Variants in KANSL3 observed in about 807,000 individuals in gnomAD.
KANSL3 encodes KAT8 regulatory NSL complex subunit 3.
Under a neutral mutation model 89.2 loss-of-function variants are expected in KANSL3, and 16 were observed. The observed-to-expected ratio is 0.18, with a 90% CI of 0.12 to 0.27. KANSL3 has a LOEUF of 0.27. Among genes scored for constraint, KANSL3 ranks in the 10% least tolerant of loss-of-function variants. KANSL3 has a pLI of 1.00. For synonymous variants in KANSL3, 385 were observed against 419.7 expected (o/e 0.92, Z 1.01); for missense variants, 879 against 1,110.6 (o/e 0.79, Z 2.96).
At position 96,601,788 on chromosome 2, in the gene KANSL3, A is replaced by AG. The variant is rs1258908757; in HGVS notation, c.2483-13dup. On this transcript the variant is annotated splice_polypyrimidine_tract_variant and intron_variant, in intron 19 of 20. Transcript: ENST00000431828. ...GGGGACCTTCAAGCCTGAGATAAAG[A>AG]GAGAGAAGCAGAATTTTTGAGTCAC... 7 of 1,540,774 alleles carry AG rather than the reference A, an allele frequency of 4.5e-6. No individual in the cohort carries two copies. Among genetic ancestry groups the AG allele is most frequent in the Non-Finnish European group, 5.2e-6 (6 of 1,145,694 alleles).
intron 20 of KANSL3, chr2:96,601,052 C>A (rs2067108174): frequency 3.4e-6 from 1 of 292,582 alleles, no homozygotes; most frequent in Non-Finnish European, 5.1e-6. Flanking sequence ...TTTCAGAGGC[C>A]GAGACAAGTA....
chr2:96,598,197 T>C lies in KANSL3; in HGVS notation c.2617-2566A>G, dbSNP rs561412665. 26 of 883,306 alleles carry C rather than the reference T, an allele frequency of 2.9e-5. No homozygotes were observed. In the African/African-American group the frequency reaches 4.3e-4, roughly 15 times the overall value. 54.7% of individuals were successfully genotyped at this position (883,306 alleles called of 1,614,324 possible). A position where few individuals can be genotyped will look rare whatever the true frequency, so the allele number is the denominator to read the frequency against. ...CCCAAATGGCTTTGTAGGTCACTTC[T>C]ATCAACCCATCAAGGAACTATCATT... On this transcript the variant is annotated intron_variant, in intron 20 of 20. Transcript: ENST00000431828.
intron 2 of KANSL3, among the ~76,000 whole-genome samples, chr2:96,634,765 G>A (rs2074012780): frequency 6.6e-6 from 1 of 152,202 alleles, no homozygotes; most frequent in Non-Finnish European, 1.5e-5. Context: ...GTGGGCAAAA[G>A]AGCTGATTAT....
chr2:96,610,520 T>C, intron 11 of KANSL3: 1 of 450,946 alleles, frequency 2.2e-6, no homozygotes, highest in Non-Finnish European at 4.0e-6. Context: ...TTTCACCGTG[T>C]TAGCCAGGAT....
chr2:96,608,795 A>G (rs2068394721), intron 13 of KANSL3, 69 bp downstream of exon 13: 3 of 1,513,206 alleles, frequency 2.0e-6, no homozygotes, highest in African/African-American at 1.4e-5. Context: ...AGGCATCCCC[A>G]GGAAATTAAG....
intron 3 of KANSL3, among the ~76,000 whole-genome samples, chr2:96,623,248 A>G (rs1209766221): frequency 6.6e-6 from 1 of 152,196 alleles, no homozygotes; most frequent in Non-Finnish European, 1.5e-5. Flanking sequence ...ACTCCATACC[A>G]TATTAATGCG....
At chr2:96,597,355 T>C (rs1181901317) in intron 20 of KANSL3, among the ~76,000 whole-genome samples, 1 of 152,086 alleles carries the variant, frequency 6.6e-6, no homozygotes, top group Admixed American at 6.6e-5. Flanking sequence ...CTGAATTAAG[T>C]CAACTTCCTC....
At chr2:96,585,982 T>C in the KANSL3 span, among the ~76,000 whole-genome samples, 3 of 152,208 alleles carry the variant, frequency 2.0e-5, no homozygotes, top group East Asian at 5.8e-4. Flanking sequence ...ATCCCAGGAC[T>C]TTGGGAGGCT....
At chr2:96,636,696 TC>T (rs991309557) in intron 2 of KANSL3, 8 of 457,874 alleles carry the variant, frequency 1.7e-5, no homozygotes, top group African/African-American at 6.0e-5. Context: ...GAATAGGTTG[TC>T]TGCTTTTCAT....
rs1335423391 is a variant in KANSL3 at position 96,598,242 on chromosome 2, T to C, written c.2617-2611A>G. On this transcript the variant is annotated intron_variant, in intron 20 of 20. Transcript: ENST00000431828. ...ATCATTTCTGTACTATAAAACTGTT[T>C]TAGAGTATGAGAGGGGAAAAGCACT... The C allele has an allele frequency of 7.4e-6, 4 of 538,304 alleles. No homozygotes were observed. The African/African-American group carries it at 8.3e-5, about 11-fold the overall frequency. 33.3% of individuals were successfully genotyped at this position (538,304 alleles called of 1,614,324 possible). A position where few individuals can be genotyped will look rare whatever the true frequency, so the allele number is the denominator to read the frequency against.
intron 20 of KANSL3, among the ~76,000 whole-genome samples, chr2:96,596,637 C>T (rs942062152): frequency 3.9e-5 from 6 of 152,210 alleles, no homozygotes; most frequent in African/African-American, 1.4e-4. Context: ...AAGACCCCAT[C>T]TCAATCAAAA....
chr2:96,628,064 G>C, intron 3 of KANSL3: 2 of 1,290,406 alleles, frequency 1.5e-6, no homozygotes, highest in Non-Finnish European at 2.0e-6. Flanking sequence ...CATAACAGAA[G>C]GGTGGTGGTC....
chr2:96,635,275 C>T (rs1054413529), intron 2 of KANSL3, among the ~76,000 whole-genome samples: 1 of 152,234 alleles, frequency 6.6e-6, no homozygotes, highest in Non-Finnish European at 1.5e-5. Flanking sequence ...GCCAACTTCT[C>T]CCTACCTCCC....
At chr2:96,616,978 C>A (rs1406032199) in intron 5 of KANSL3, among the ~76,000 whole-genome samples, 4 of 152,166 alleles carry the variant, frequency 2.6e-5, no homozygotes, top group Admixed American at 6.5e-5. Flanking sequence ...AGAACTGAGA[C>A]CCTGGCCACT....
rs751662202 is a variant in KANSL3, at chr2:96,608,591, T to G, written c.1658A>C (p.Lys553Thr). Reference sequence around the variant, plus strand: ...CTGAGAACTTCCAATCTGACTGGACTTCTGGGCAGAGGTCACTGTGGTCAC... The same window carrying G: ...CTGAGAACTTCCAATCTGACTGGACGTCTGGGCAGAGGTCACTGTGGTCAC... ...TKVTTVTSAQKSSQIGSSQLL... is the reference protein window; with the variant it reads ...TKVTTVTSAQTSSQIGSSQLL... The change falls in exon 14 of 21, where the codon AAG becomes ACG. Residue 553 changes from lysine to threonine, a missense_variant. Coordinates refer to ENST00000431828, the MANE Select transcript of KANSL3 (RefSeq NM_001115016.3). 5.6e-6 allele frequency: 9 copies of G among 1,614,004 alleles called. 1 individual carries two copies. Among genetic ancestry groups the G allele is most frequent in the Non-Finnish European group, 7.6e-6 (9 of 1,179,878 alleles).
rs1264535500 is a variant in KANSL3, at chr2:96,610,879, A to G, written c.1166T>C (p.Val389Ala). ...LLTVDGPRGD[V>A]DDPLLDMKTP... ...CTTCATATCCAAGAGGGGATCATCT[A>G]CATCCTAAAACAGGTATAGGTTTTA... Residue 389 changes from valine to alanine, a missense_variant, in exon 11 of 21, where the codon GTA (valine) becomes GCA (alanine). Physicochemically the swap from Val to Ala is moderately conservative, Grantham distance 64. Transcript: ENST00000431828. The G allele has an allele frequency of 6.2e-7, 1 of 1,613,742 alleles. No homozygotes were observed. Among genetic ancestry groups the G allele is most frequent in the African/African-American group, 1.3e-5 (1 of 75,040 alleles).
intron 4 of KANSL3, 50 bp downstream of exon 4, chr2:96,619,622 G>A: frequency 6.2e-7 from 1 of 1,601,032 alleles, no homozygotes; most frequent in South Asian, 1.1e-5. Flanking sequence ...GTCAGCCAGT[G>A]AGGCCTGAAC....
chr2:96,604,861 C>A lies in KANSL3; in HGVS notation c.1936G>T (p.Ala646Ser). The change falls in exon 16 of 21, where the codon GCA becomes TCA. Residue 646 changes from alanine to serine, a missense_variant and splice_region_variant. Ala to Ser is a moderately conservative substitution (Grantham distance 99). Coordinates refer to ENST00000431828, the MANE Select transcript of KANSL3 (RefSeq NM_001115016.3). ...APSQGSAPEA[A>S]GGKPITMTLG... is the part of the protein sequence containing the mutation. ...GTCATGGTGATGGGCTTCCCACCTG[C>A]AGCTTCAAAACAGAAAACCCCAAGG... 1 of 1,589,700 alleles carries A rather than the reference C, an allele frequency of 6.3e-7. No homozygotes were observed. The highest frequency in any genetic ancestry group is 1.3e-5 in the African/African-American group (1 of 74,500).
chr2:96,631,547 G>C, intron 2 of KANSL3, 65 bp from the exon 3 acceptor site: 1 of 1,540,406 alleles, frequency 6.5e-7, no homozygotes, highest in Non-Finnish European at 8.8e-7. Flanking sequence ...CAATCATCTG[G>C]TTGACAAAAA....
Sources: gnomAD v4.1 joint callset for allele counts (sites outside exome capture counted in the v4.1 genomes callset) on GRCh38, gnomAD v4.1.1 for gene constraint, MANE v1.5 for transcripts, NCBI Gene and HGNC (gene_info 2026-07-23, HGNC 2026-07-21) for gene names.